The following RGSL1 variants were observed in gnomAD, a reference collection of about 807,000 sequenced individuals.
RGSL1 encodes the protein regulator of G protein signaling protein-like.
A neutral mutation model predicts 124.7 loss-of-function variants in RGSL1; 97 were observed. The ratio of observed to expected loss-of-function variants is 0.78; its 90% CI spans 0.66 to 0.92. The LOEUF is 0.92. Ranked by LOEUF, RGSL1 falls within the 40% of genes least tolerant of loss-of-function variation. The pLI is 0.00. For synonymous variants in RGSL1, 424 were observed against 438.1 expected (o/e 0.97, Z 0.40); for missense variants, 1,233 against 1,288.4 (o/e 0.96, Z 0.66).
At chr1:182,465,806 T>G (rs930088443) in intron 4 of RGSL1, among the ~76,000 whole-genome samples, 15 of 152,032 alleles carry the variant, frequency 9.9e-5, no homozygotes, top group Non-Finnish European at 1.9e-4. Flanking sequence ...ACTTTCTCAC[T>G]CCTTCTTTGA....
At chr1:182,460,588 G>T (rs1266315863) in intron 4 of RGSL1, 1 of 451,752 alleles carries the variant, frequency 2.2e-6, no homozygotes, top group Admixed American at 2.4e-5. Context: ...CTCTTAATTT[G>T]TCTCTTTGCT....
intron 9 of RGSL1, among the ~76,000 whole-genome samples, chr1:182,504,628 GTTGT>G (rs1301706761): frequency 7.9e-5 from 12 of 151,874 alleles, no homozygotes; most frequent in Non-Finnish European, 1.0e-4. Context: ...TGGGGTTGGT[GTTGT>G]TTGTTTATTT....
chr1:182,467,970 C>T (rs1653488454), intron 4 of RGSL1, among the ~76,000 whole-genome samples: 1 of 152,192 alleles, frequency 6.6e-6, no homozygotes, highest in South Asian at 2.1e-4. Context: ...TATGAACAGA[C>T]ACTTCTCAAA....
intron 9 of RGSL1, among the ~76,000 whole-genome samples, chr1:182,496,137 G>A (rs1012742070): frequency 6.6e-6 from 1 of 152,088 alleles, no homozygotes; most frequent in African/African-American, 2.4e-5. Flanking sequence ...ATGACAGAAG[G>A]TGAAGGGGGA....
chr1:182,472,274 C>A, intron 4 of RGSL1, 122 bp from the exon 5 acceptor site: 1 of 904,016 alleles, frequency 1.1e-6, no homozygotes, highest in Non-Finnish European at 1.6e-6. Context: ...AACCAATCAC[C>A]AGGAATGATG....
intron 9 of RGSL1, among the ~76,000 whole-genome samples, chr1:182,501,359 G>A (rs188248556): frequency 1.6e-3 from 189 of 117,054 alleles, no homozygotes; most frequent in Middle Eastern, 7.5e-3. Flanking sequence ...TTGCTCTGTC[G>A]CCCAGGCTGG....
In RGSL1 at chr1:182,553,678, A is replaced by G. The variant is rs1660699432; in HGVS notation, c.3130+137A>G. On this transcript the variant is annotated intron_variant, in intron 19 of 21. Coordinates refer to ENST00000294854, the MANE Select transcript of RGSL1 (RefSeq NM_001137669.2). ...TGTGAAGTAACTTGCTGAAGATCAC[A>G]TAGCTTGTGAGTGGCAGAGAGGAGG... 31 of 724,434 alleles carry G rather than the reference A, an allele frequency of 4.3e-5. 1 individual carries two copies. In the South Asian group the frequency reaches 5.7e-4, roughly 13 times the overall value. 44.9% of individuals were successfully genotyped at this position (724,434 alleles called of 1,614,324 possible).
chr1:182,449,435 T>C (rs1410196554), upstream of RGSL1: 3 of 152,234 alleles, frequency 2.0e-5, no homozygotes, highest in Non-Finnish European at 4.4e-5. Flanking sequence ...AAGCCCTCTC[T>C]GGGTGTGACA....
intron 4 of RGSL1, among the ~76,000 whole-genome samples, chr1:182,466,255 A>G (rs1418812489): frequency 6.6e-6 from 1 of 152,190 alleles, no homozygotes; most frequent in Non-Finnish European, 1.5e-5. Context: ...AAGATCAGGA[A>G]TAGGAAATGC....
intron 9 of RGSL1, among the ~76,000 whole-genome samples, chr1:182,495,931 A>G (rs1490503631): frequency 2.0e-5 from 3 of 152,220 alleles, no homozygotes; most frequent in South Asian, 2.1e-4. Flanking sequence ...TGAGCCACCT[A>G]TGACTGGGTG....
At chr1:182,548,567 C>A in intron 16 of RGSL1, 112 bp downstream of exon 16, 1 of 1,507,452 alleles carries the variant, frequency 6.6e-7, no homozygotes, top group South Asian at 1.3e-5. Context: ...AACTACATAT[C>A]CTTTACCTAG....
At chr1:182,546,341 G>T (rs10911092) in intron 15 of RGSL1, among the ~76,000 whole-genome samples, 79,159 of 151,058 alleles carry the variant, frequency 0.52, 20,877 homozygotes, top group Non-Finnish European at 0.56. Flanking sequence ...TTCTGGCTTT[G>T]TATACCTTTT....
chr1:182,523,686 C>G (rs1445812569), intron 10 of RGSL1, among the ~76,000 whole-genome samples: 1 of 152,166 alleles, frequency 6.6e-6, no homozygotes, highest in Non-Finnish European at 1.5e-5. Flanking sequence ...TTCTCTTAAA[C>G]CTTTTCCCTA....
Position 182,474,318 on chromosome 1 carries a change from T to G in RGSL1, c.1207T>G (p.Trp403Gly). 1 of 1,551,806 alleles carries G rather than the reference T, an allele frequency of 6.4e-7. No homozygotes were observed. Among genetic ancestry groups the G allele is most frequent in the East Asian group, 2.4e-5 (1 of 40,920 alleles). ...LKVEIQLLDL[W>G]QDLQHFLSVL... ...AGTGGAGATCCAACTTCTTGACCTC[T>G]GGCAGGACTTGCAGCATTTCCTCAG... Residue 403 changes from tryptophan to glycine, a missense_variant, in exon 6 of 22, where the codon TGG (tryptophan) becomes GGG (glycine). Trp to Gly is a radical substitution (Grantham distance 184). Coordinates refer to ENST00000294854, the MANE Select transcript of RGSL1 (RefSeq NM_001137669.2).
At chr1:182,557,931 A>T (rs545103467) in intron 21 of RGSL1, among the ~76,000 whole-genome samples, 1 of 152,144 alleles carries the variant, frequency 6.6e-6, no homozygotes, top group Non-Finnish European at 1.5e-5. Context: ...AACGCAGTCC[A>T]TGAGAGATAA....
chr1:182,484,820 C>T (rs616428), intron 6 of RGSL1, among the ~76,000 whole-genome samples: 11,925 of 152,174 alleles, frequency 0.078, 642 homozygotes, highest in East Asian at 0.25. Flanking sequence ...GTGGTTGGCC[C>T]CAAGGGGAAG....
intron 9 of RGSL1, among the ~76,000 whole-genome samples, chr1:182,495,625 A>C (rs1156927006): frequency 1.3e-5 from 2 of 152,200 alleles, no homozygotes; most frequent in Non-Finnish European, 2.9e-5. Flanking sequence ...ATGGCGTTGC[A>C]GGGGATTTTT....
chr1:182,495,816 T>A (rs538159516), intron 9 of RGSL1, among the ~76,000 whole-genome samples: 2 of 152,338 alleles, frequency 1.3e-5, no homozygotes, highest in African/African-American at 4.8e-5. Flanking sequence ...ACAGTGGTAA[T>A]GACATGGGTG....
intron 6 of RGSL1, among the ~76,000 whole-genome samples, chr1:182,475,430 A>T (rs1369569653): frequency 6.6e-6 from 1 of 152,180 alleles, no homozygotes; most frequent in Non-Finnish European, 1.5e-5. Flanking sequence ...CTACTCACAA[A>T]GGAATGGGTG....
Sources: allele counts gnomAD v4.1 joint callset (sites outside exome capture counted in the v4.1 genomes callset), GRCh38; gene constraint gnomAD v4.1.1; transcripts MANE v1.5; gene names NCBI Gene and HGNC (gene_info 2026-07-23, HGNC 2026-07-21).